The following TET3 variants were observed in gnomAD, a reference collection of about 807,000 sequenced individuals.
TET3 encodes methylcytosine dioxygenase TET3.
In TET3, 19 loss-of-function variants were observed where a neutral mutation model predicts 141.4. That is an observed-to-expected ratio of 0.13 (90% CI 0.09 to 0.20). TET3 has a LOEUF of 0.20. Ranked by LOEUF, TET3 falls within the 10% of genes least tolerant of loss-of-function variation. TET3 has a pLI of 1.00. For missense variants in TET3, 1,874 were observed against 2,356.9 expected (o/e 0.80, Z 4.24); for synonymous variants, 1,043 against 980.9 (o/e 1.06, Z -1.18).
the TET3 span, among the ~76,000 whole-genome samples, chr2:74,127,671 T>C: frequency 6.6e-6 from 1 of 151,480 alleles, no homozygotes; most frequent in South Asian, 2.1e-4. Flanking sequence ...ATGCCTGCCT[T>C]GAAAAACACA....
In TET3 at chr2:74,101,346, A is replaced by G; in HGVS notation, c.4558A>G (p.Asn1520Asp). 1 of 1,613,850 alleles carries G rather than the reference A, an allele frequency of 6.2e-7. No individual in the cohort carries two copies. Among genetic ancestry groups the G allele is most frequent in the South Asian group, 1.1e-5 (1 of 91,062 alleles). Residue 1520 changes from asparagine to aspartate, a missense_variant, in exon 12 of 12, where the codon AAC becomes GAC. Physicochemically the swap from Asn to Asp is conservative, Grantham distance 23. Transcript: ENST00000409262. The surrounding 1 kb of genome is among the most constrained non-coding windows in gnomAD (Gnocchi z 8.5). ...ACCGTGGAGCCCCTGCAAGTTTGGG[A>G]ACAGCACCTCGGCCTTGGCTGGGCC... ...GKPWSPCKFG[N>D]STSALAGPSL...
At chr2:74,109,875 C>G (rs78252738), downstream of TET3, among the ~76,000 whole-genome samples, 1 of 152,122 alleles carries the variant, frequency 6.6e-6, no homozygotes, top group South Asian at 2.1e-4. Context: ...GAGTGTACAC[C>G]AAGGTTTATT....
chr2:73,984,677 C>G (rs1211966067), upstream of TET3, among the ~76,000 whole-genome samples: 2 of 151,738 alleles, frequency 1.3e-5, no homozygotes, highest in African/African-American at 2.4e-5. This position sits in a 1 kb window ranked among gnomAD's most constrained non-coding sequence, Gnocchi z 5.6. Context: ...CCGGGAGGGC[C>G]GACCGCGTGG....
At chr2:74,128,736 G>A in the TET3 span, among the ~76,000 whole-genome samples, 6 of 148,276 alleles carry the variant, frequency 4.0e-5, no homozygotes, top group Admixed American at 3.4e-4. Context: ...GTAATCCCAA[G>A]ACTTTGGGAG....
At chr2:74,061,188 G>A (rs1427972650) in intron 4 of TET3, among the ~76,000 whole-genome samples, 4 of 146,634 alleles carry the variant, frequency 2.7e-5, no homozygotes, top group Non-Finnish European at 6.1e-5. Flanking sequence ...CCGGCCGGGC[G>A]GGGGGCTGAC....
chr2:74,028,699 A>C (rs1686513749), intron 3 of TET3, among the ~76,000 whole-genome samples: 1 of 152,226 alleles, frequency 6.6e-6, no homozygotes, highest in Non-Finnish European at 1.5e-5. Context: ...CATGATGTAC[A>C]TCAGTTATCT....
At chr2:74,023,816 GT>G (rs1174256171) in intron 3 of TET3, among the ~76,000 whole-genome samples, 5 of 151,968 alleles carry the variant, frequency 3.3e-5, no homozygotes, top group African/African-American at 9.7e-5. Flanking sequence ...TCTAATATTT[GT>G]TTTTTTCTTT....
intron 3 of TET3, among the ~76,000 whole-genome samples, chr2:74,012,770 G>A (rs1685525981): frequency 6.6e-6 from 1 of 152,182 alleles, no homozygotes; most frequent in Non-Finnish European, 1.5e-5. Flanking sequence ...TTACACTTAA[G>A]TGTGGGTATT....
chr2:74,039,312 T>C (rs1573759439), intron 3 of TET3, among the ~76,000 whole-genome samples: 1 of 152,174 alleles, frequency 6.6e-6, no homozygotes, highest in Non-Finnish European at 1.5e-5. Flanking sequence ...TGCTACTTTC[T>C]CCAGCCTCTC....
chr2:74,091,430 AC>A (rs1690492481), intron 8 of TET3, among the ~76,000 whole-genome samples: 1 of 152,202 alleles, frequency 6.6e-6, no homozygotes, highest in South Asian at 2.1e-4. Context: ...AGGCACTGTT[AC>A]CCCTCACTTT....
chr2:74,041,302 A>G (rs769440744), intron 3 of TET3, among the ~76,000 whole-genome samples: 1 of 152,214 alleles, frequency 6.6e-6, no homozygotes, highest in Non-Finnish European at 1.5e-5. Flanking sequence ...AGATGTTTAA[A>G]GACTTTCTGG....
intron 3 of TET3, among the ~76,000 whole-genome samples, chr2:74,014,419 G>A (rs1352572509): frequency 6.6e-6 from 1 of 152,148 alleles, no homozygotes. Context: ...AGGGCCCTGA[G>A]GAGAGTCCCT....
At chr2:74,114,126 A>G in the TET3 span, among the ~76,000 whole-genome samples, 1 of 152,242 alleles carries the variant, frequency 6.6e-6, no homozygotes, top group Admixed American at 6.5e-5. Context: ...ATGGAACAGA[A>G]TAGAGAACCC....
Position 74,105,566 on chromosome 2 carries a change from A to G in TET3, c.*3390A>G, listed in dbSNP as rs537913327. ...TTTCCCACACCCCGGCTTCATGGGT[A>G]CTGCTTTGCCTTCTCACCAAGGTGA... On this transcript the variant is annotated 3_prime_UTR_variant, in exon 12 of 12. Coordinates refer to ENST00000409262, the MANE Select transcript of TET3 (RefSeq NM_001287491.2). 2 of 397,030 alleles carry G rather than the reference A, an allele frequency of 5.0e-6. No individual in the cohort carries two copies. Among genetic ancestry groups the G allele is most frequent in the Non-Finnish European group, 8.9e-6 (2 of 224,802 alleles). The allele number at this position is 397,030 out of a possible 1,614,324, so 24.6% of individuals were successfully genotyped here. A position where few individuals can be genotyped will look rare whatever the true frequency, so the allele number is the denominator to read the frequency against.
At chr2:74,075,320 CTTTTTTTTTTTT>C (rs971111434) in intron 5 of TET3, among the ~76,000 whole-genome samples, 13 of 89,080 alleles carry the variant, frequency 1.5e-4, no homozygotes, top group Non-Finnish European at 2.5e-4. Flanking sequence ...GAGCCAAATA[CTTTTTTTTTTTT>C]TTTTTTTTTT....
downstream of TET3, among the ~76,000 whole-genome samples, chr2:74,111,056 A>G (rs72909198): frequency 0.051 from 7,740 of 152,176 alleles, 430 homozygotes; most frequent in African/African-American, 0.14. Flanking sequence ...TGAGCCAGGG[A>G]TCCTCATCCT....
the TET3 span, among the ~76,000 whole-genome samples, chr2:74,125,745 G>A: frequency 2.5e-4 from 38 of 151,706 alleles, 1 homozygote; most frequent in Admixed American, 2.4e-3. Context: ...GTGTTGCCCA[G>A]GCTGGTCTCA....
Position 74,095,993 on chromosome 2 carries a change from G to C in TET3, c.3267+2327G>C, listed in dbSNP as rs1690800811. 2.0e-5 allele frequency among the ~76,000 whole-genome samples: 3 copies of C among 152,198 alleles called. No individual in the cohort carries two copies. The East Asian group carries it at 5.8e-4, about 29-fold the overall frequency. On this transcript the variant is annotated intron_variant, in intron 10 of 11. Transcript: ENST00000409262. ...TTATTTTAATTTGTGTTTATTACTA[G>C]AGAGGTTGAACATTTTTTCCTATTT...
At chr2:74,125,275 C>A in the TET3 span, among the ~76,000 whole-genome samples, 13 of 151,514 alleles carry the variant, frequency 8.6e-5, no homozygotes, top group Non-Finnish European at 1.3e-4. Context: ...AGCCACTGCA[C>A]CTGGCCTCAC....
Sources: gnomAD v4.1 joint callset for allele counts (sites outside exome capture counted in the v4.1 genomes callset) on GRCh38, gnomAD v4.1.1 for gene constraint, Gnocchi (gnomAD v3.1) non-coding constraint, MANE v1.5 for transcripts, NCBI Gene and HGNC (gene_info 2026-07-23, HGNC 2026-07-21) for gene names.